The following ZNF418 variants were observed in gnomAD, a reference collection of about 807,000 sequenced individuals.
The protein encoded by ZNF418 is zinc finger protein 418.
ZNF418 carries 32 observed loss-of-function variants against 32.0 expected under a neutral mutation model. The observed-to-expected ratio is 1.00, with a 90% confidence interval of 0.75 to 1.34. ZNF418 has a LOEUF of 1.34. Ranked by LOEUF, ZNF418 falls within the 40% of genes most tolerant of loss-of-function variation. The pLI is 0.00. For synonymous variants in ZNF418, 276 were observed against 270.7 expected (o/e 1.02, Z -0.19); for missense variants, 804 against 812.5 (o/e 0.99, Z 0.13).
intron 4 of ZNF418, among the ~76,000 whole-genome samples, chr19:57,923,509 C>A (rs56375520): frequency 6.7e-6 from 1 of 149,006 alleles, no homozygotes; most frequent in Admixed American, 6.7e-5. Flanking sequence ...TATATACACA[C>A]ACATATATAC....
At chr19:57,932,556 T>G (rs2072528359) in intron 2 of ZNF418, 1 of 1,534,504 alleles carries the variant, frequency 6.5e-7, no homozygotes, top group African/African-American at 1.4e-5. Flanking sequence ...ATTCCACTTC[T>G]GTGTTGCACT....
intron 3 of ZNF418, 120 bp from the exon 4 acceptor site, chr19:57,928,167 G>T: frequency 3.4e-6 from 3 of 892,308 alleles, no homozygotes; most frequent in Non-Finnish European, 5.1e-6. Context: ...GGAACAGAAA[G>T]TTGGCTTCAC....
chr19:57,927,693 TGAATGAA>T lies in ZNF418; in HGVS notation c.481_487del (p.Phe161ArgfsTer47), dbSNP rs2072303693. On this transcript the variant is annotated frameshift_variant, in exon 4 of 6. Transcript: ENST00000396147. LOFTEE classifies it high-confidence loss of function. ...GCTGGGCAAAAAGTCCTTTCCACTC[TGAATGAA>T]GATAGATGACTCCTCTGACACATGG... The T allele has an allele frequency of 6.2e-7, 1 of 1,614,226 alleles. No homozygotes were observed. The highest frequency in any genetic ancestry group is 8.5e-7 in the Non-Finnish European group (1 of 1,180,040).
chr19:57,922,904 G>A (rs996936682), intron 5 of ZNF418, among the ~76,000 whole-genome samples: 3 of 151,738 alleles, frequency 2.0e-5, no homozygotes, highest in African/African-American at 7.3e-5. Flanking sequence ...GGAGGCTGAG[G>A]TGGGAGGATG....
At position 57,927,295 on chromosome 19, in the gene ZNF418, TAA is replaced by T. The variant is rs768015593; in HGVS notation, c.884_885del (p.Phe295Ter). ...PYECGECGKS[F>X]SHKGSLVQHQ... ...TGCTGAACAAGGCTGCCCTTATGAC[TAA>T]AAGATTTCCCACATTCTCCACATTC... is the stretch of plus-strand genomic sequence containing the variant. On this transcript the variant is annotated frameshift_variant, in exon 4 of 6. Transcript: ENST00000396147. LOFTEE classifies it high-confidence loss of function. The T allele has an allele frequency of 1.2e-5, 19 of 1,614,150 alleles. No individual in the cohort carries two copies. In the African/African-American group the frequency reaches 2.5e-4, roughly 22 times the overall value.
rs937129807 is a variant in ZNF418 at position 57,926,877 on chromosome 19, A to C, written c.1304T>G (p.Phe435Cys). The change falls in exon 4 of 6, where the codon TTT (phenylalanine) becomes TGT (cysteine). Residue 435 changes from phenylalanine (F) to cysteine (C), a missense_variant. This residue lies in a region of ZNF418 where 475 missense variants were observed against 458.6 expected (regional missense o/e 1.04). Transcript: ENST00000396147. ...CTGAATGAGGTTGCCCTTTCGACTA[A>C]AAGATTTCCCACATTCTCCACACTC... is the stretch of plus-strand genomic sequence containing the variant. ...PYECGECGKS[F>C]SRKGNLIQHQ... 28 of 1,613,938 alleles carry C rather than the reference A, an allele frequency of 1.7e-5. No individual in the cohort carries two copies. The highest frequency in any genetic ancestry group is 2.3e-5 in the Non-Finnish European group (27 of 1,180,010).
chr19:57,932,046 C>T (rs758659765), intron 2 of ZNF418, among the ~76,000 whole-genome samples: 2 of 152,214 alleles, frequency 1.3e-5, no homozygotes, highest in African/African-American at 4.8e-5. Context: ...ATGGGGGTTG[C>T]ACTGTGGACA....
rs1244657996 is a variant in ZNF418, at chr19:57,927,170, A to C, written c.1011T>G (p.Thr337=). 1 of 1,614,206 alleles carries C rather than the reference A, an allele frequency of 6.2e-7. No individual in the cohort carries two copies. ...GTLIKHQRVH[T]GERPYECEEC... ...CTTCACACTCATAAGGTCTTTCTCC[A>C]GTGTGAACTCGTTGATGTTTAATGA... The change falls in exon 4 of 6, where the codon ACT becomes ACG. Residue 337 remains threonine (T), a synonymous_variant. Transcript: ENST00000396147.
At chr19:57,934,199 G>T in intron 1 of ZNF418, 1 of 1,137,858 alleles carries the variant, frequency 8.8e-7, no homozygotes, top group Non-Finnish European at 1.1e-6. Flanking sequence ...AGGCCAGTGA[G>T]GGAATGGAAC....
chr19:57,928,104 C>T (rs1398185566), intron 3 of ZNF418, 57 bp from the exon 4 acceptor site: 9 of 1,408,162 alleles, frequency 6.4e-6, no homozygotes, highest in Non-Finnish European at 8.7e-6. Flanking sequence ...AGGCACAGCC[C>T]ACCCACAAGC....
Position 57,929,264 on chromosome 19 carries a change from T to C in ZNF418, c.133+1164A>G, listed in dbSNP as rs1245384161. ...CCACAAAAATACTAGTCAAATAGAA[T>C]AGGTTTCTGATACGATTTGAAGAAA... On this transcript the variant is annotated intron_variant, in intron 3 of 5. Coordinates refer to ENST00000396147, the MANE Select transcript of ZNF418 (RefSeq NM_133460.3). Among the ~76,000 whole-genome samples the C allele has an allele frequency of 2.0e-5, 3 of 152,098 alleles. No individual in the cohort carries two copies. In the East Asian group the frequency reaches 5.8e-4, roughly 29 times the overall value.
chr19:57,925,435 T>TG (rs2072177675), intron 4 of ZNF418, among the ~76,000 whole-genome samples, 188 bp downstream of exon 4: 1 of 148,018 alleles, frequency 6.8e-6, no homozygotes, highest in Admixed American at 6.9e-5. Flanking sequence ...TACTCCAGCC[T>TG]GGGCGACAGA....
At chr19:57,923,047 C>G (rs1304745104) in intron 5 of ZNF418, 145 bp downstream of exon 5, 3 of 150,430 alleles carry the variant, frequency 2.0e-5, no homozygotes, top group Admixed American at 6.7e-5. Context: ...TGCCTGAAAT[C>G]CCAGCACTTT....
chr19:57,935,075 C>T, intron 1 of ZNF418, 86 bp downstream of exon 1: 1 of 1,336,960 alleles, frequency 7.5e-7, no homozygotes, highest in Non-Finnish European at 9.7e-7. Context: ...GTCCGGGCTG[C>T]AGACCTGTGA....
chr19:57,922,698 CAAG>C (rs2072037330), intron 5 of ZNF418, 69 bp from the exon 6 acceptor site: 2 of 397,526 alleles, frequency 5.0e-6, no homozygotes, highest in Admixed American at 4.4e-5. Context: ...TGTTAAATTG[CAAG>C]AAAAAAACCA....
chr19:57,927,734 C>T lies in ZNF418; in HGVS notation c.447G>A (p.Arg149=), dbSNP rs2072305943. 1.2e-6 allele frequency: 2 copies of T among 1,614,118 alleles called. No individual in the cohort carries two copies. The highest frequency in any genetic ancestry group is 1.3e-5 in the African/African-American group (1 of 74,934). The change falls in exon 4 of 6, where the codon AGG becomes AGA. Residue 149 remains arginine (R), a synonymous_variant. Transcript: ENST00000396147. ...ACTCCTCTGACACATGGAACTTACACCTCTTCACAAACAATGCTTCCTCAA... is the reference window on the plus strand; with the variant it reads ...ACTCCTCTGACACATGGAACTTACATCTCTTCACAAACAATGCTTCCTCAA... The part of the protein sequence containing the change: ...SSVEEALFVK[R]CKFHVSEESS...
chr19:57,935,207 GGA>G lies in ZNF418; in HGVS notation c.-129_-128del, dbSNP rs2072650395. ...GGCCGCCGCCATCCCGAGTACGCGG[GGA>G]AAGCACTGCCGGGAGCGGCGGGCGC... On this transcript the variant is annotated 5_prime_UTR_variant, in exon 1 of 6. Coordinates refer to ENST00000396147, the MANE Select transcript of ZNF418 (RefSeq NM_133460.3). 1 of 1,285,516 alleles carries G rather than the reference GGA, an allele frequency of 7.8e-7. No individual in the cohort carries two copies. The highest frequency in any genetic ancestry group is 5.0e-5 in the East Asian group (1 of 20,164). 79.6% of individuals were successfully genotyped at this position (1,285,516 alleles called of 1,614,324 possible).
At chr19:57,923,537 CAT>C (rs965951883) in intron 4 of ZNF418, among the ~76,000 whole-genome samples, 18 of 123,232 alleles carry the variant, frequency 1.5e-4, no homozygotes, top group South Asian at 4.9e-4. Flanking sequence ...CATATATATA[CAT>C]ACACACACAC....
Position 57,927,602 on chromosome 19 carries a change from C to T in ZNF418, c.579G>A (p.Glu193=), listed in dbSNP as rs2072298895. The T allele has an allele frequency of 6.2e-7, 1 of 1,613,956 alleles. No homozygotes were observed. Among genetic ancestry groups the T allele is most frequent in the Non-Finnish European group, 8.5e-7 (1 of 1,179,958 alleles). ...GAGTATCTCCCCACTGAAAGGGAGA[C>T]TCACACTCAGGTTTGCTGTTTGACT... ...GEKSNSKPEC[E]SPFQWGDTHY... The change falls in exon 4 of 6, where the codon GAG becomes GAA. Residue 193 remains glutamate, a synonymous_variant. Coordinates refer to ENST00000396147, the MANE Select transcript of ZNF418 (RefSeq NM_133460.3).
Sources: gnomAD v4.1 joint callset for allele counts (sites outside exome capture counted in the v4.1 genomes callset) on GRCh38, gnomAD v4.1.1 for gene constraint, gnomAD v4.1.1 regional missense constraint, MANE v1.5 for transcripts, NCBI Gene and HGNC (gene_info 2026-07-23, HGNC 2026-07-21) for gene names.